BUB1B: variants seen among roughly 807,000 people sequenced by gnomAD.
BUB1B encodes mitotic checkpoint serine/threonine-protein kinase BUB1 beta.
Under a neutral mutation model 137.7 loss-of-function variants are expected in BUB1B, and 86 were observed. That is an observed-to-expected ratio of 0.62 (90% CI 0.52 to 0.75). BUB1B has a LOEUF of 0.75. Among genes scored for constraint, BUB1B ranks in the 30% least tolerant of loss-of-function variants. The pLI, the probability that BUB1B is intolerant of heterozygous loss-of-function variation, is 0.00. For missense variants in BUB1B, 1,130 were observed against 1,236.9 expected, an observed-to-expected ratio of 0.91 and a Z score of 1.30; for synonymous variants, 420 against 417.9, an observed-to-expected ratio of 1.00 and a Z score of -0.06.
chr15:40,203,524 C>T (rs2037600643), intron 14 of BUB1B, among the ~76,000 whole-genome samples: 1 of 152,038 alleles, frequency 6.6e-6, no homozygotes, highest in Non-Finnish European at 1.5e-5. Context: ...TTAAAAGGGT[C>T]AATTTTATGG....
At position 40,218,567 on chromosome 15, in the gene BUB1B, G is replaced by C; in HGVS notation, c.2957+5G>C. The C allele has an allele frequency of 6.3e-7, 1 of 1,588,872 alleles. No homozygotes were observed. The highest frequency in any genetic ancestry group is 1.1e-5 in the South Asian group (1 of 90,500). ...ACTTAGCCAAAATATTTCTGAGTAA[G>C]TATTGATGAATGTCAGGGTCTCTGC... On this transcript the variant is annotated splice_donor_5th_base_variant and intron_variant, in intron 22 of 22. Coordinates refer to ENST00000287598, the MANE Select transcript of BUB1B (RefSeq NM_001211.6).
In BUB1B at chr15:40,185,637, A is replaced by G. The variant is rs1222897946; in HGVS notation, c.1053A>G (p.Pro351=). 6.2e-7 allele frequency: 1 copy of G among 1,612,706 alleles called. No homozygotes were observed. Among genetic ancestry groups the G allele is most frequent in the Admixed American group, 1.7e-5 (1 of 60,026 alleles). ...TPYVEETARQ[P]VMTPCKIEPS... is the part of the protein sequence containing the mutation. Reference sequence around the variant, plus strand: ...ATGTGGAAGAGACTGCACGACAGCCAGTTATGTGAGTGTGGTTTTTGGATA... The same window carrying G: ...ATGTGGAAGAGACTGCACGACAGCCGGTTATGTGAGTGTGGTTTTTGGATA... Residue 351 remains proline (P), a synonymous_variant, in exon 8 of 23, where the codon CCA becomes CCG. Transcript: ENST00000287598.
At chr15:40,178,452 A>C (rs1434856664) in intron 5 of BUB1B, among the ~76,000 whole-genome samples, 2 of 152,000 alleles carry the variant, frequency 1.3e-5, no homozygotes, top group African/African-American at 4.8e-5. Flanking sequence ...TCAAGTCTTA[A>C]ATTTGTTAAG....
chr15:40,190,485 A>G (rs1337885670), intron 8 of BUB1B, among the ~76,000 whole-genome samples: 1 of 152,080 alleles, frequency 6.6e-6, no homozygotes, highest in Non-Finnish European at 1.5e-5. Flanking sequence ...ATAGTGGCAC[A>G]TGCCTATGGT....
At chr15:40,170,029 T>C (rs759974563) in intron 2 of BUB1B, 33 bp from the exon 3 acceptor site, 33 of 1,552,548 alleles carry the variant, frequency 2.1e-5, no homozygotes, top group Non-Finnish European at 2.8e-5. Flanking sequence ...TTGTCACTAT[T>C]GCATATGCTA....
chr15:40,198,644 A>C (rs2037528080), intron 9 of BUB1B, among the ~76,000 whole-genome samples: 1 of 152,000 alleles, frequency 6.6e-6, no homozygotes, highest in African/African-American at 2.4e-5. Flanking sequence ...TCTTTCAAAA[A>C]CTTTAGCTTC....
intron 22 of BUB1B, among the ~76,000 whole-genome samples, chr15:40,220,178 G>A (rs934215240): frequency 6.6e-6 from 1 of 152,202 alleles, no homozygotes; most frequent in Non-Finnish European, 1.5e-5. Context: ...GAATTGTAAA[G>A]AAGATCCACT....
chr15:40,177,792 CT>C lies in BUB1B; in HGVS notation c.581+1131del, dbSNP rs763883313. On this transcript the variant is annotated intron_variant, in intron 5 of 22. Transcript: ENST00000287598. ...TGGTATAATTCTCCATTTATTTAGG[CT>C]TTTTTTTTTTTAAGTAAACTTTGGT... Among the ~76,000 whole-genome samples the C allele has an allele frequency of 4.8e-3, 660 of 136,572 alleles. 1 individual carries two copies. Among genetic ancestry groups the C allele is most frequent in the Non-Finnish European group, 6.4e-3 (401 of 62,294 alleles). The allele number at this position is 136,572 out of a possible 152,430, so 89.6% of individuals were successfully genotyped here.
chr15:40,187,292 AT>A, intron 8 of BUB1B, among the ~76,000 whole-genome samples: 1 of 151,914 alleles, frequency 6.6e-6, no homozygotes, highest in South Asian at 2.1e-4. Context: ...CGCCTGGCTA[AT>A]TTTTTCTATT....
chr15:40,172,217 C>T (rs1356797619), intron 4 of BUB1B, among the ~76,000 whole-genome samples: 1 of 151,728 alleles, frequency 6.6e-6, no homozygotes, highest in Non-Finnish European at 1.5e-5. Flanking sequence ...AAATAAATTT[C>T]TTACTAAAAT....
intron 2 of BUB1B, among the ~76,000 whole-genome samples, chr15:40,165,561 T>TC (rs1405626792): frequency 6.6e-6 from 1 of 152,202 alleles, no homozygotes. Context: ...AGAAGTGGTC[T>TC]CCAAAGACAT....
chr15:40,182,271 ATTG>A (rs919841316), intron 5 of BUB1B, among the ~76,000 whole-genome samples: 2 of 152,038 alleles, frequency 1.3e-5, no homozygotes, highest in Non-Finnish European at 1.5e-5. Flanking sequence ...GCATTTGCTT[ATTG>A]TTTTTTCCTT....
intron 20 of BUB1B, among the ~76,000 whole-genome samples, chr15:40,215,730 C>T (rs1366570910): frequency 6.6e-6 from 1 of 152,104 alleles, no homozygotes; most frequent in Non-Finnish European, 1.5e-5. Flanking sequence ...GATCATGCCA[C>T]TGCACTCCAG....
chr15:40,164,546 A>G (rs966844901), intron 1 of BUB1B, among the ~76,000 whole-genome samples: 1 of 152,068 alleles, frequency 6.6e-6, no homozygotes, highest in African/African-American at 2.4e-5. Context: ...AAATTAAACT[A>G]GATGATGCAT....
At chr15:40,181,004 A>T (rs982533654) in intron 5 of BUB1B, among the ~76,000 whole-genome samples, 2 of 151,558 alleles carry the variant, frequency 1.3e-5, no homozygotes, top group African/African-American at 4.9e-5. Flanking sequence ...ACCTATACAT[A>T]ATGTGTTGAT....
At chr15:40,184,964 A>T (rs575265023) in intron 6 of BUB1B, among the ~76,000 whole-genome samples, 266 of 152,342 alleles carry the variant, frequency 1.7e-3, no homozygotes, top group African/African-American at 6.3e-3. Context: ...AAGAAGGCAG[A>T]ATATAAGTAA....
chr15:40,215,612 A>G (rs2037768224), intron 20 of BUB1B, among the ~76,000 whole-genome samples: 1 of 152,164 alleles, frequency 6.6e-6, no homozygotes, highest in African/African-American at 2.4e-5. Context: ...TACTAAAAAT[A>G]CAACAAGATA....
chr15:40,168,347 G>A lies in BUB1B; in HGVS notation c.180-1715G>A, dbSNP rs138736556. 2.8e-3 allele frequency among the ~76,000 whole-genome samples: 422 copies of A among 151,652 alleles called. 8 individuals are homozygous for A. The highest frequency in any genetic ancestry group is 0.021 in the Admixed American group (316 of 15,228). ...GTGCCATTGCACTCTAGCCTGGGTA[G>A]CAACAGCGAAATTCCGTCTCAAAAA... On this transcript the variant is annotated intron_variant, in intron 2 of 22. Coordinates refer to ENST00000287598, the MANE Select transcript of BUB1B (RefSeq NM_001211.6).
intron 21 of BUB1B, 64 bp downstream of exon 21, chr15:40,217,731 A>T: frequency 6.3e-7 from 1 of 1,575,172 alleles, no homozygotes; most frequent in Non-Finnish European, 8.7e-7. Context: ...TTATCTAGAT[A>T]AGCTATAAAA....
Sources: allele counts gnomAD v4.1 joint callset (sites outside exome capture counted in the v4.1 genomes callset), GRCh38; gene constraint gnomAD v4.1.1; transcripts MANE v1.5; gene names NCBI Gene and HGNC (gene_info 2026-07-23, HGNC 2026-07-21).